HESX1: variants seen among roughly 807,000 people sequenced by gnomAD.
The protein encoded by HESX1 is homeobox expressed in ES cells 1.
Under a neutral mutation model 22.5 loss-of-function variants are expected in HESX1, and 11 were observed. The ratio of observed to expected loss-of-function variants is 0.49; its 90% CI spans 0.31 to 0.81. The LOEUF is 0.81. Ranked by LOEUF, HESX1 falls within the 30% of genes least tolerant of loss-of-function variation. The probability of loss-of-function intolerance (pLI) is 0.05; values close to 1 mark genes in which losing one functional copy is unlikely to be tolerated. For synonymous variants in HESX1, 74 were observed against 76.5 expected, an observed-to-expected ratio of 0.97 and a Z score of 0.17; for missense variants, 201 against 212.6, an observed-to-expected ratio of 0.95 and a Z score of 0.34.
upstream of HESX1, among the ~76,000 whole-genome samples, chr3:57,201,875 ATATCTATCTATCTATCTATCTATC>A (rs759735344): frequency 1.5e-5 from 2 of 131,844 alleles, no homozygotes; most frequent in African/African-American, 5.5e-5. Flanking sequence ...CTATCTATCT[ATATCTATCTATCTATCTATCTATC>A]TATCTATCTA....
intron 1 of HESX1, among the ~76,000 whole-genome samples, chr3:57,225,116 C>G (rs950614291): frequency 2.0e-5 from 3 of 152,158 alleles, no homozygotes; most frequent in African/African-American, 4.8e-5. Context: ...GCTGAATAAA[C>G]TTAAAGTGGT....
intron 1 of HESX1, among the ~76,000 whole-genome samples, chr3:57,222,214 A>C (rs2060619625): frequency 6.6e-6 from 1 of 152,184 alleles, no homozygotes; most frequent in African/African-American, 2.4e-5. Context: ...GGCTCTGAAA[A>C]TATTAAAATG....
intron 1 of HESX1, among the ~76,000 whole-genome samples, chr3:57,221,805 C>T (rs1282187358): frequency 6.6e-6 from 1 of 151,816 alleles, no homozygotes; most frequent in Non-Finnish European, 1.5e-5. Context: ...TGGGGTTTCG[C>T]CATATTGTCA....
chr3:57,223,572 A>G (rs2060626804), intron 1 of HESX1, among the ~76,000 whole-genome samples: 1 of 152,098 alleles, frequency 6.6e-6, no homozygotes, highest in Non-Finnish European at 1.5e-5. Context: ...TTTGCAACCC[A>G]TTCCTCAGAA....
At chr3:57,213,562 CAGTT>C (rs2060567418) in intron 1 of HESX1, among the ~76,000 whole-genome samples, 1 of 152,310 alleles carries the variant, frequency 6.6e-6, no homozygotes, top group African/African-American at 2.4e-5. Flanking sequence ...TGGGAGTTGT[CAGTT>C]AACCCAAGAA....
intron 1 of HESX1, among the ~76,000 whole-genome samples, chr3:57,217,297 T>C (rs1463577382): frequency 1.3e-5 from 2 of 152,204 alleles, no homozygotes; most frequent in Non-Finnish European, 1.5e-5. Flanking sequence ...TTTATTTCCA[T>C]ATATTTACTG....
Position 57,198,208 on chromosome 3 carries a change from G to A in HESX1, c.547C>T (p.Leu183=). 6.3e-7 allele frequency: 1 copy of A among 1,598,564 alleles called. No individual in the cohort carries two copies. The highest frequency in any genetic ancestry group is 8.6e-7 in the Non-Finnish European group (1 of 1,166,278). ...GTTTAGTTTTCTATCTATTCCAGCA[G>A]ATTTGTGTTGAAATTTTTTTTCGCC... ...LMAKKNFNTN[L]LE is the part of the protein sequence containing the mutation. The change falls in exon 4 of 4, where the codon CTG becomes TTG. Residue 183 remains leucine (L), a synonymous_variant. Transcript: ENST00000295934.
At chr3:57,200,750 A>C (rs1346801930), upstream of HESX1, among the ~76,000 whole-genome samples, 1 of 152,244 alleles carries the variant, frequency 6.6e-6, no homozygotes, top group Non-Finnish European at 1.5e-5. Context: ...TAAAGTGAAT[A>C]ATTTCTCTAT....
upstream of HESX1, among the ~76,000 whole-genome samples, chr3:57,202,853 A>G (rs2060497914): frequency 6.6e-6 from 1 of 152,214 alleles, no homozygotes; most frequent in Admixed American, 6.5e-5. Flanking sequence ...TGACATTTTC[A>G]CTGAAGCTGA....
At chr3:57,217,197 TG>T (rs1470949114) in intron 1 of HESX1, among the ~76,000 whole-genome samples, 1 of 152,166 alleles carries the variant, frequency 6.6e-6, no homozygotes, top group Non-Finnish European at 1.5e-5. Context: ...GTGTGTTCGT[TG>T]CCATTGGGGG....
At position 57,198,067 on chromosome 3, in the gene HESX1, T is replaced by C. The variant is rs2060458093; in HGVS notation, c.*130A>G. On this transcript the variant is annotated 3_prime_UTR_variant, in exon 4 of 4. Transcript: ENST00000295934. ...CCATGCTATAATAGTATTTACAATA[T>C]ATTTTCAGAAAAAATGACAATATTC... 7.0e-6 allele frequency: 5 copies of C among 713,918 alleles called. No individual in the cohort carries two copies. Among genetic ancestry groups the C allele is most frequent in the Non-Finnish European group, 1.2e-5 (5 of 404,906 alleles). 44.2% of individuals were successfully genotyped at this position (713,918 alleles called of 1,614,324 possible). A position where few individuals can be genotyped will look rare whatever the true frequency, so the allele number is the denominator to read the frequency against.
In HESX1 at chr3:57,212,823, A is replaced by G. The variant is rs183576548; in HGVS notation, c.-110-12795T>C. ...TTTTTTTTATTATACTGTAAGTTCT[A>G]GAGTACATGTACACAACGTGCAAGT... On this transcript the variant is annotated intron_variant, in intron 1 of 2. Coordinates refer to the HESX1 transcript ENST00000495160. Among the ~76,000 whole-genome samples the G allele has an allele frequency of 3.0e-3, 460 of 152,276 alleles. 1 individual carries two copies. Among genetic ancestry groups the G allele is most frequent in the African/African-American group, 0.011 (444 of 41,548 alleles).
chr3:57,205,309 C>G (rs1331715012), intron 1 of HESX1, among the ~76,000 whole-genome samples: 1 of 152,152 alleles, frequency 6.6e-6, no homozygotes, highest in Non-Finnish European at 1.5e-5. Context: ...ATTTGGGAGG[C>G]TGAGGTGGGA....
chr3:57,205,591 C>G (rs1025187154), intron 1 of HESX1, among the ~76,000 whole-genome samples: 2 of 152,182 alleles, frequency 1.3e-5, no homozygotes, highest in African/African-American at 4.8e-5. Flanking sequence ...ACAGTCTTCC[C>G]TCAAGGCATT....
chr3:57,203,250 T>C (rs1334793449), upstream of HESX1, among the ~76,000 whole-genome samples: 1 of 152,172 alleles, frequency 6.6e-6, no homozygotes, highest in Admixed American at 6.5e-5. Flanking sequence ...TGCTAGGCAT[T>C]GTTCTAGGTG....
upstream of HESX1, among the ~76,000 whole-genome samples, chr3:57,201,399 G>A (rs780909739): frequency 4.6e-5 from 7 of 151,922 alleles, no homozygotes; most frequent in Admixed American, 1.3e-4. Context: ...CTTAATCTGG[G>A]ACGACTAGGA....
chr3:57,219,487 C>A (rs1335567229), intron 1 of HESX1, among the ~76,000 whole-genome samples: 2 of 152,060 alleles, frequency 1.3e-5, no homozygotes, highest in Non-Finnish European at 2.9e-5. Context: ...CCTGCCTCAG[C>A]CTCCCGAGTA....
intron 1 of HESX1, among the ~76,000 whole-genome samples, chr3:57,221,765 C>A (rs548240588): frequency 2.9e-4 from 44 of 152,138 alleles, no homozygotes; most frequent in Admixed American, 7.9e-4. Context: ...TGCCACCATG[C>A]CCAGCTAATT....
At chr3:57,211,947 C>A (rs1350200066) in intron 1 of HESX1, among the ~76,000 whole-genome samples, 1 of 152,076 alleles carries the variant, frequency 6.6e-6, no homozygotes, top group Non-Finnish European at 1.5e-5. Flanking sequence ...ACTAGAGACA[C>A]ACAGGAGCTT....
Sources: gnomAD v4.1 joint callset for allele counts (sites outside exome capture counted in the v4.1 genomes callset) on GRCh38, gnomAD v4.1.1 for gene constraint, MANE v1.5 for transcripts, NCBI Gene and HGNC (gene_info 2026-07-23, HGNC 2026-07-21) for gene names.